Variants in STXBP6 observed in about 807,000 individuals in gnomAD.
STXBP6 encodes the protein syntaxin binding protein 6.
In STXBP6, 21 loss-of-function variants were observed where a neutral mutation model predicts 26.9. The ratio of observed to expected loss-of-function variants is 0.78; its 90% CI spans 0.55 to 1.12. The LOEUF (loss-of-function observed/expected upper bound fraction) is 1.12. Among genes scored for constraint, STXBP6 ranks in the 50% most tolerant of loss-of-function variants. The pLI, the probability that STXBP6 is intolerant of heterozygous loss-of-function variation, is 0.00. For synonymous variants in STXBP6, 97 were observed against 92.6 expected, an observed-to-expected ratio of 1.05 and a Z score of -0.27; for missense variants, 232 against 257.9, an observed-to-expected ratio of 0.90 and a Z score of 0.69.
intron 1 of STXBP6, among the ~76,000 whole-genome samples, chr14:24,999,381 T>A (rs1454459645): frequency 6.6e-6 from 1 of 152,102 alleles, no homozygotes; most frequent in Non-Finnish European, 1.5e-5. Flanking sequence ...AAGAGAAGCA[T>A]GGAGTGCGAT....
At chr14:25,012,357 G>A (rs533706316) in intron 1 of STXBP6, among the ~76,000 whole-genome samples, 4 of 152,212 alleles carry the variant, frequency 2.6e-5, no homozygotes, top group Non-Finnish European at 5.9e-5. Flanking sequence ...AGTCAGGCAT[G>A]TTGGCTCACA....
At chr14:25,006,285 T>C (rs1454113597) in intron 1 of STXBP6, among the ~76,000 whole-genome samples, 3 of 152,222 alleles carry the variant, frequency 2.0e-5, no homozygotes, top group Non-Finnish European at 4.4e-5. Flanking sequence ...GCATTCTTGC[T>C]GTGGGCTCAG....
intron 2 of STXBP6, among the ~76,000 whole-genome samples, chr14:24,952,100 G>A (rs1188374851): frequency 6.6e-6 from 1 of 151,208 alleles, no homozygotes; most frequent in Non-Finnish European, 1.5e-5. Context: ...CCAGTGAGAG[G>A]CAGTGGATGG....
chr14:25,043,489 G>T (rs571477566), intron 1 of STXBP6, among the ~76,000 whole-genome samples: 3 of 152,092 alleles, frequency 2.0e-5, no homozygotes, highest in East Asian at 3.9e-4. Flanking sequence ...CTCTTTTAAA[G>T]TGTGCAACTC....
chr14:25,042,752 A>C (rs2075663989), intron 1 of STXBP6, among the ~76,000 whole-genome samples: 1 of 152,230 alleles, frequency 6.6e-6, no homozygotes, highest in South Asian at 2.1e-4. Flanking sequence ...CCCATCCCAG[A>C]CCTACTGAAT....
At chr14:24,896,804 T>C (rs1431594181) in intron 2 of STXBP6, among the ~76,000 whole-genome samples, 1 of 152,126 alleles carries the variant, frequency 6.6e-6, no homozygotes, top group Non-Finnish European at 1.5e-5. Context: ...ACACAAGAGT[T>C]GTCATAGGTA....
rs893093941 is a variant in STXBP6, at chr14:24,933,281, G to A, written c.154+41384C>T. Among the ~76,000 whole-genome samples, 7 of 152,196 alleles carry A rather than the reference G, an allele frequency of 4.6e-5. 2 individuals carry two copies. Among genetic ancestry groups the A allele is most frequent in the Admixed American group, 3.9e-4 (6 of 15,288 alleles). ...CCCCTGAGCAAGGGAGGTGGACAAT[G>A]CAGTGAGCCAAGATCATGCCACTGC... On this transcript the variant is annotated intron_variant, in intron 2 of 5. Transcript: ENST00000323944.
At chr14:24,831,588 T>C (rs775005697) in intron 4 of STXBP6, among the ~76,000 whole-genome samples, 1 of 152,170 alleles carries the variant, frequency 6.6e-6, no homozygotes, top group Non-Finnish European at 1.5e-5. Context: ...GTTAAGTTGT[T>C]TGAACCTCTA....
At chr14:24,989,469 C>G (rs2074412429) in intron 1 of STXBP6, among the ~76,000 whole-genome samples, 2 of 152,164 alleles carry the variant, frequency 1.3e-5, no homozygotes, top group South Asian at 4.1e-4. Context: ...AAAAAACAAG[C>G]CAAATATTCA....
chr14:24,898,535 G>T (rs550991675), intron 2 of STXBP6, among the ~76,000 whole-genome samples: 9 of 152,074 alleles, frequency 5.9e-5, no homozygotes, highest in Non-Finnish European at 1.0e-4. Flanking sequence ...AAACTAGCTG[G>T]GCGTGGTGGC....
At chr14:24,937,259 C>A (rs1251921734) in intron 2 of STXBP6, among the ~76,000 whole-genome samples, 7 of 152,154 alleles carry the variant, frequency 4.6e-5, no homozygotes, top group African/African-American at 1.7e-4. Context: ...GCACGTTCTG[C>A]ACACGTACCC....
At chr14:24,892,036 T>C (rs1365315441) in intron 2 of STXBP6, among the ~76,000 whole-genome samples, 1 of 152,220 alleles carries the variant, frequency 6.6e-6, no homozygotes, top group Non-Finnish European at 1.5e-5. Context: ...TACTTTTCTT[T>C]CCTGGTAAGT....
chr14:24,923,653 C>T (rs1027838013), intron 2 of STXBP6, among the ~76,000 whole-genome samples: 10 of 152,128 alleles, frequency 6.6e-5, no homozygotes, highest in African/African-American at 2.2e-4. Flanking sequence ...AGTGAAATGG[C>T]ATCTCATTTT....
At chr14:24,933,804 G>T (rs1382625454) in intron 2 of STXBP6, among the ~76,000 whole-genome samples, 1 of 151,882 alleles carries the variant, frequency 6.6e-6, no homozygotes, top group East Asian at 1.9e-4. Flanking sequence ...TATCAAAATT[G>T]GGCATGCTTT....
At chr14:25,038,469 A>T (rs2075590152) in intron 1 of STXBP6, among the ~76,000 whole-genome samples, 1 of 152,250 alleles carries the variant, frequency 6.6e-6, no homozygotes, top group Admixed American at 6.5e-5. Flanking sequence ...CAATTCAAAC[A>T]TCTGCCATCA....
At chr14:24,857,690 G>A (rs2069387258) in intron 2 of STXBP6, among the ~76,000 whole-genome samples, 1 of 151,628 alleles carries the variant, frequency 6.6e-6, no homozygotes, top group Non-Finnish European at 1.5e-5. Flanking sequence ...AAACTATTTG[G>A]CTCTCTAATA....
At chr14:25,008,192 T>C (rs1010275212) in intron 1 of STXBP6, among the ~76,000 whole-genome samples, 2 of 152,188 alleles carry the variant, frequency 1.3e-5, no homozygotes, top group African/African-American at 2.4e-5. Context: ...TTTTAAAAAT[T>C]TTTTTTAAGT....
At chr14:24,967,059 G>T (rs2073756653) in intron 2 of STXBP6, among the ~76,000 whole-genome samples, 1 of 151,588 alleles carries the variant, frequency 6.6e-6, no homozygotes, top group South Asian at 2.1e-4. Flanking sequence ...ACAGCACAGT[G>T]GATAAGGGAG....
rs1054461281 is a variant in STXBP6 at position 25,049,863 on chromosome 14, T to C, written c.-33+15A>G. 5.1e-6 allele frequency: 5 copies of C among 985,128 alleles called. No individual in the cohort carries two copies. The highest frequency in any genetic ancestry group is 1.1e-4 in the East Asian group (1 of 8,722). The allele number at this position is 985,128 out of a possible 1,614,324, so 61.0% of individuals were successfully genotyped here. On this transcript the variant is annotated intron_variant, in intron 1 of 5. Coordinates refer to ENST00000323944, the MANE Select transcript of STXBP6 (RefSeq NM_001394410.1). The surrounding 1 kb of genome is among the most constrained non-coding windows in gnomAD (Gnocchi z 5.6). ...CTCCGCCCTGACCGCCTGGCTCCCC[T>C]CGCCCCGGTCCTACCGTGCAGCCTG...
Sources: gnomAD v4.1 joint callset for allele counts (sites outside exome capture counted in the v4.1 genomes callset) on GRCh38, gnomAD v4.1.1 for gene constraint, Gnocchi (gnomAD v3.1) non-coding constraint, MANE v1.5 for transcripts, NCBI Gene and HGNC (gene_info 2026-07-23, HGNC 2026-07-21) for gene names.